Variants in TAS2R1 observed in about 807,000 individuals in gnomAD.
TAS2R1 encodes taste receptor type 2 member 1.
For synonymous variants in TAS2R1, 141 were observed against 134.2 expected (o/e 1.05, Z -0.35); for missense variants, 370 against 353.4 (o/e 1.05, Z -0.38).
chr5:9,853,593 G>C, the TAS2R1 span, among the ~76,000 whole-genome samples: 8,837 of 152,136 alleles, frequency 0.058, 618 homozygotes, highest in East Asian at 0.23. Flanking sequence ...GATTCAGCCA[G>C]TCTTTAATCT....
chr5:9,875,269 G>A, the TAS2R1 span, among the ~76,000 whole-genome samples: 1 of 152,202 alleles, frequency 6.6e-6, no homozygotes, highest in Non-Finnish European at 1.5e-5. Flanking sequence ...TGGGGAACTG[G>A]AAAGGGTATG....
At chr5:9,696,239 C>G (rs1741352655) in intron 1 of TAS2R1, among the ~76,000 whole-genome samples, 1 of 152,008 alleles carries the variant, frequency 6.6e-6, no homozygotes, top group African/African-American at 2.4e-5. Flanking sequence ...AAAATGAAAT[C>G]AAAACCATAG....
chr5:9,840,257 C>T, the TAS2R1 span, among the ~76,000 whole-genome samples: 1 of 152,142 alleles, frequency 6.6e-6, no homozygotes, highest in Non-Finnish European at 1.5e-5. Flanking sequence ...CTCTGAGCCT[C>T]AAAAAAGTGT....
At chr5:9,724,240 G>T in the TAS2R1 span, among the ~76,000 whole-genome samples, 35 of 152,134 alleles carry the variant, frequency 2.3e-4, no homozygotes, top group African/African-American at 7.5e-4. Context: ...CACATACAAG[G>T]CTGTATGGCC....
At chr5:9,630,988 T>C (rs953219910), upstream of TAS2R1, among the ~76,000 whole-genome samples, 1 of 152,154 alleles carries the variant, frequency 6.6e-6, no homozygotes, top group South Asian at 2.1e-4. Context: ...TTGGGCTACA[T>C]AACTCTTTGT....
the TAS2R1 span, among the ~76,000 whole-genome samples, chr5:9,829,760 C>T: frequency 6.6e-6 from 1 of 151,932 alleles, no homozygotes; most frequent in Admixed American, 6.6e-5. Context: ...GCAAATAACC[C>T]AGAGGAGCAT....
the TAS2R1 span, among the ~76,000 whole-genome samples, chr5:9,830,070 A>T: frequency 6.6e-6 from 1 of 152,194 alleles, no homozygotes; most frequent in Non-Finnish European, 1.5e-5. Context: ...GGCCACAAGC[A>T]TTTTTGCATA....
At chr5:9,667,650 A>G (rs1484994726) in intron 1 of TAS2R1, among the ~76,000 whole-genome samples, 2 of 152,224 alleles carry the variant, frequency 1.3e-5, no homozygotes, top group Non-Finnish European at 2.9e-5. Context: ...GCATGAAGAC[A>G]GTAATCAAAG....
chr5:9,858,386 G>A, the TAS2R1 span, among the ~76,000 whole-genome samples: 4 of 152,182 alleles, frequency 2.6e-5, no homozygotes, highest in African/African-American at 9.7e-5. Context: ...TTCCCCAAGT[G>A]AAGGGTATCT....
chr5:9,694,713 G>C (rs967021672), intron 1 of TAS2R1, among the ~76,000 whole-genome samples: 5 of 152,156 alleles, frequency 3.3e-5, no homozygotes, highest in African/African-American at 1.2e-4. Context: ...CATAAACATT[G>C]AGGAGTTTGG....
chr5:9,709,844 G>A (rs1210879875), intron 1 of TAS2R1, among the ~76,000 whole-genome samples: 1 of 152,210 alleles, frequency 6.6e-6, no homozygotes, highest in Non-Finnish European at 1.5e-5. Flanking sequence ...TAGAAAATGT[G>A]AGATAATAAG....
At position 9,630,038 on chromosome 5, in the gene TAS2R1, G is replaced by C. The variant is rs760810427; in HGVS notation, c.-6C>G. ...ATGAGGTGAGACTCTAGCATTTTAG[G>C]AATAAAAAATTATTTACTTAAAAAA... On this transcript the variant is annotated 5_prime_UTR_variant, in exon 1 of 1. Transcript: ENST00000382492. 2 of 1,543,246 alleles carry C rather than the reference G, an allele frequency of 1.3e-6. No individual in the cohort carries two copies. The highest frequency in any genetic ancestry group is 2.8e-5 in the African/African-American group (2 of 71,436).
the TAS2R1 span, among the ~76,000 whole-genome samples, chr5:9,723,753 G>C: frequency 7.5e-4 from 115 of 152,366 alleles, no homozygotes; most frequent in Non-Finnish European, 1.4e-3. Context: ...CTCATCAGGG[G>C]TGAATGCACC....
chr5:9,846,956 A>T, the TAS2R1 span, among the ~76,000 whole-genome samples: 1 of 152,300 alleles, frequency 6.6e-6, no homozygotes, highest in South Asian at 2.1e-4. Flanking sequence ...GTCTCAGGCC[A>T]TCTGCCTTAG....
chr5:9,839,336 T>C, the TAS2R1 span, among the ~76,000 whole-genome samples: 17 of 152,340 alleles, frequency 1.1e-4, no homozygotes, highest in South Asian at 6.2e-4. Flanking sequence ...TAAGAATTCA[T>C]ATATGATATC....
rs1739797283 is a variant in TAS2R1, at chr5:9,628,362, A to G, written c.*771T>C. 6.6e-6 allele frequency among the ~76,000 whole-genome samples: 1 copy of G among 152,108 alleles called. No individual in the cohort carries two copies. The highest frequency in any genetic ancestry group is 2.1e-4 in the South Asian group (1 of 4,822). ...GTCAGGCACACAAATACAAAATAAA[A>G]CATCTTTGCAAGTTATTGTCTGTTC... On this transcript the variant is annotated 3_prime_UTR_variant, in exon 1 of 1. Coordinates refer to ENST00000382492, the MANE Select transcript of TAS2R1 (RefSeq NM_019599.3).
chr5:9,698,094 T>C (rs557511084), intron 1 of TAS2R1, among the ~76,000 whole-genome samples: 1 of 152,278 alleles, frequency 6.6e-6, no homozygotes, highest in Non-Finnish European at 1.5e-5. Context: ...CAAACATTAG[T>C]AATATAAAGC....
At chr5:9,835,779 G>C in the TAS2R1 span, among the ~76,000 whole-genome samples, 7 of 152,194 alleles carry the variant, frequency 4.6e-5, no homozygotes, top group Non-Finnish European at 7.3e-5. Context: ...TGGGCAAGAA[G>C]AACCTCTCTC....
the TAS2R1 span, among the ~76,000 whole-genome samples, chr5:9,898,754 G>C: frequency 1.8e-4 from 27 of 152,168 alleles, no homozygotes; most frequent in East Asian, 9.6e-4. Flanking sequence ...CTCTAAAGGA[G>C]AACATGTAGC....
Sources: gnomAD v4.1 joint callset for allele counts (sites outside exome capture counted in the v4.1 genomes callset) on GRCh38, gnomAD v4.1.1 for gene constraint, MANE v1.5 for transcripts, NCBI Gene and HGNC (gene_info 2026-07-23, HGNC 2026-07-21) for gene names.